DPYSL3: variants seen among roughly 807,000 people sequenced by gnomAD.
DPYSL3 encodes dihydropyrimidinase-related protein 3.
In DPYSL3, 16 loss-of-function variants were observed where a neutral mutation model predicts 66.1. The observed-to-expected ratio is 0.24, with a 90% CI of 0.16 to 0.37. DPYSL3 has a LOEUF of 0.37. Among genes scored for constraint, DPYSL3 ranks in the 10% least tolerant of loss-of-function variants. The pLI, the probability that DPYSL3 is intolerant of heterozygous loss-of-function variation, is 1.00. For synonymous variants in DPYSL3, 338 were observed against 345.1 expected, an observed-to-expected ratio of 0.98 and a Z score of 0.23; for missense variants, 738 against 916.2, an observed-to-expected ratio of 0.81 and a Z score of 2.51.
intron 1 of DPYSL3, among the ~76,000 whole-genome samples, chr5:147,499,742 T>C (rs569172403): frequency 1.9e-4 from 29 of 152,178 alleles, no homozygotes; most frequent in African/African-American, 6.0e-4. Context: ...AGACCCAGAA[T>C]AGCCAATGTT....
rs777564671 is a variant in DPYSL3, at chr5:147,415,814, C to G, written c.715G>C (p.Glu239Gln). 1 of 1,614,092 alleles carries G rather than the reference C, an allele frequency of 6.2e-7. No homozygotes were observed. The highest frequency in any genetic ancestry group is 1.1e-5 in the South Asian group (1 of 91,078). ...SLTEAYEKWREWADGKSCCDY... is the reference protein window; with the variant it reads ...SLTEAYEKWRQWADGKSCCDY... ...CAGCAACTCTTCCCATCAGCCCACT[C>G]TCTCCATTTCTCATAGGCCTCAGTC... Residue 239 changes from glutamate to glutamine, a missense_variant, in exon 4 of 14, where the codon GAG (glutamate) becomes CAG (glutamine). Glu to Gln is a conservative substitution (Grantham distance 29, BLOSUM62 2). Coordinates refer to ENST00000343218, the MANE Select transcript of DPYSL3 (RefSeq NM_001197294.2).
intron 2 of DPYSL3, among the ~76,000 whole-genome samples, chr5:147,420,372 C>T (rs1417487233): frequency 6.6e-6 from 1 of 152,198 alleles, no homozygotes; most frequent in Non-Finnish European, 1.5e-5. Context: ...AATCAGTCCA[C>T]TCCCTTCTCT....
In DPYSL3 at chr5:147,393,651, C is replaced by G. The variant is rs1441083568; in HGVS notation, c.*384G>C. 1 of 199,594 alleles carries G rather than the reference C, an allele frequency of 5.0e-6. No individual in the cohort carries two copies. Among genetic ancestry groups the G allele is most frequent in the Non-Finnish European group, 1.0e-5 (1 of 95,456 alleles). The allele number at this position is 199,594 out of a possible 1,614,324, so 12.4% of individuals were successfully genotyped here. A position where few individuals can be genotyped will look rare whatever the true frequency, so the allele number is the denominator to read the frequency against. On this transcript the variant is annotated 3_prime_UTR_variant, in exon 14 of 14. Transcript: ENST00000343218. ...CCTTGCTCCAGGCTCCCACCACCCA[C>G]TCACCCCAAATAACCTGCGTCCCTT...
At chr5:147,497,400 T>C (rs1472304752) in intron 1 of DPYSL3, among the ~76,000 whole-genome samples, 1 of 151,954 alleles carries the variant, frequency 6.6e-6, no homozygotes, top group Non-Finnish European at 1.5e-5. Context: ...TAAAGTATAA[T>C]AATAATAAAA....
intron 1 of DPYSL3, among the ~76,000 whole-genome samples, chr5:147,504,044 C>T (rs2126462815): frequency 6.6e-6 from 1 of 152,310 alleles, no homozygotes; most frequent in South Asian, 2.1e-4. Flanking sequence ...TCTGCCTCTT[C>T]CATTTGCAGT....
intron 1 of DPYSL3, among the ~76,000 whole-genome samples, chr5:147,477,067 A>G (rs879280796): frequency 1.3e-5 from 2 of 152,218 alleles, no homozygotes; most frequent in Admixed American, 1.3e-4. Flanking sequence ...TTCATGAAAT[A>G]AAACAATTAC....
intron 1 of DPYSL3, among the ~76,000 whole-genome samples, chr5:147,503,439 G>A (rs865802961): frequency 6.6e-6 from 1 of 151,974 alleles, no homozygotes; most frequent in Non-Finnish European, 1.5e-5. Context: ...GACCACAGTC[G>A]TGCACCACCA....
intron 3 of DPYSL3, among the ~76,000 whole-genome samples, chr5:147,417,788 A>G (rs1428860756): frequency 6.6e-6 from 1 of 152,196 alleles, no homozygotes; most frequent in Non-Finnish European, 1.5e-5. Context: ...AACCACTCCT[A>G]CAGCTTGCCA....
chr5:147,436,435 G>A (rs1279328555), intron 1 of DPYSL3, among the ~76,000 whole-genome samples: 1 of 152,158 alleles, frequency 6.6e-6, no homozygotes, highest in Non-Finnish European at 1.5e-5. Flanking sequence ...ATGTAAATAT[G>A]TTTATTATAT....
chr5:147,490,675 G>A (rs1030177841), intron 1 of DPYSL3, among the ~76,000 whole-genome samples: 1 of 152,152 alleles, frequency 6.6e-6, no homozygotes, highest in African/African-American at 2.4e-5. Flanking sequence ...TGAGGTCACA[G>A]AGCAAACCAT....
intron 1 of DPYSL3, among the ~76,000 whole-genome samples, chr5:147,479,297 G>A (rs985040455): frequency 5.3e-5 from 8 of 152,198 alleles, no homozygotes; most frequent in African/African-American, 1.9e-4. Context: ...AACCCTGGTT[G>A]TGTCTACTCC....
chr5:147,508,464 C>T (rs1368054713), intron 1 of DPYSL3, among the ~76,000 whole-genome samples: 1 of 152,148 alleles, frequency 6.6e-6, no homozygotes, highest in Admixed American at 6.5e-5. Flanking sequence ...GATTTTGCGG[C>T]CATTACCTAG....
chr5:147,474,683 G>A (rs539011182), intron 1 of DPYSL3, among the ~76,000 whole-genome samples: 19 of 152,022 alleles, frequency 1.2e-4, no homozygotes, highest in Admixed American at 2.6e-4. Flanking sequence ...CTGCCACATG[G>A]TAAATGCTTA....
intron 1 of DPYSL3, chr5:147,453,744 T>G (rs1422715744): frequency 2.3e-6 from 3 of 1,308,492 alleles, no homozygotes; most frequent in Non-Finnish European, 1.9e-6. Context: ...CCTCCCGGGC[T>G]CCCGCGGCGG....
At chr5:147,499,114 C>T (rs1193256266) in intron 1 of DPYSL3, among the ~76,000 whole-genome samples, 1 of 151,970 alleles carries the variant, frequency 6.6e-6, no homozygotes, top group Non-Finnish European at 1.5e-5. Flanking sequence ...TGCACCACTG[C>T]TTTTCAACAT....
chr5:147,462,285 C>A (rs1179533495), intron 1 of DPYSL3, among the ~76,000 whole-genome samples: 2 of 152,124 alleles, frequency 1.3e-5, no homozygotes, highest in Non-Finnish European at 2.9e-5. Context: ...ACAATCTTGA[C>A]TTAAGGCTAT....
chr5:147,499,650 C>T (rs1017358029), intron 1 of DPYSL3, among the ~76,000 whole-genome samples: 7 of 152,098 alleles, frequency 4.6e-5, no homozygotes, highest in Admixed American at 1.3e-4. Flanking sequence ...TCTTTAGATT[C>T]GACACAGTTC....
chr5:147,432,303 T>C (rs988424917), intron 1 of DPYSL3, among the ~76,000 whole-genome samples: 2 of 152,156 alleles, frequency 1.3e-5, no homozygotes, highest in Non-Finnish European at 2.9e-5. Flanking sequence ...AAAACAGCAA[T>C]GTGGAGGCAG....
At chr5:147,428,957 T>TTAAAA (rs764358193) in intron 1 of DPYSL3, among the ~76,000 whole-genome samples, 3 of 152,052 alleles carry the variant, frequency 2.0e-5, no homozygotes, top group Admixed American at 1.3e-4. Context: ...ATCCCAGAAC[T>TTAAAA]TAAAATAAAA....
Sources: allele counts gnomAD v4.1 joint callset (sites outside exome capture counted in the v4.1 genomes callset), GRCh38; gene constraint gnomAD v4.1.1; transcripts MANE v1.5; gene names NCBI Gene and HGNC (gene_info 2026-07-23, HGNC 2026-07-21).